The following SAMD8 variants were observed in gnomAD, a reference collection of about 807,000 sequenced individuals.
The protein encoded by SAMD8 is sterile alpha motif domain containing 8.
Under a neutral mutation model 42.0 loss-of-function variants are expected in SAMD8, and 20 were observed. The observed-to-expected ratio is 0.48, with a 90% CI of 0.34 to 0.69. The LOEUF (loss-of-function observed/expected upper bound fraction) is 0.69, where lower values mean the gene tolerates loss of function less well. Ranked by LOEUF, SAMD8 falls within the 30% of genes least tolerant of loss-of-function variation. The pLI, the probability that SAMD8 is intolerant of heterozygous loss-of-function variation, is 0.01. For missense variants in SAMD8, 328 were observed against 511.6 expected, an observed-to-expected ratio of 0.64 and a Z score of 3.46; for synonymous variants, 162 against 173.0, an observed-to-expected ratio of 0.94 and a Z score of 0.50.
At chr10:75,122,620 A>G (rs996705501) in intron 1 of SAMD8, among the ~76,000 whole-genome samples, 2 of 151,778 alleles carry the variant, frequency 1.3e-5, no homozygotes, top group Non-Finnish European at 2.9e-5. Context: ...CTCAAAAAAA[A>G]AAAAAAAAAA....
At chr10:75,111,123 G>A (rs1053019905), upstream of SAMD8, among the ~76,000 whole-genome samples, 3 of 152,206 alleles carry the variant, frequency 2.0e-5, no homozygotes, top group Non-Finnish European at 4.4e-5. Flanking sequence ...TTAGCACAAG[G>A]ATTAAATGAG....
At chr10:75,101,775 CTCCCCACACA>C in intron 1 of SAMD8, 1 of 866,246 alleles carries the variant, frequency 1.2e-6, no homozygotes, top group Non-Finnish European at 1.7e-6. Flanking sequence ...AACCCCACCC[CTCCCCACACA>C]GGCACAAGTG....
At chr10:75,116,272 T>A (rs28479596) in intron 1 of SAMD8, among the ~76,000 whole-genome samples, 13 of 152,196 alleles carry the variant, frequency 8.5e-5, no homozygotes, top group South Asian at 2.1e-4. Flanking sequence ...CTAATTTTTT[T>A]AAATTTTTCT....
chr10:75,168,367 T>C (rs1840743317), intron 3 of SAMD8, 174 bp from the exon 4 acceptor site: 3 of 918,344 alleles, frequency 3.3e-6, no homozygotes, highest in Non-Finnish European at 3.9e-6. Context: ...ATTTCCGTCA[T>C]TGCAGAGAAT....
intron 1 of SAMD8, among the ~76,000 whole-genome samples, chr10:75,116,944 G>C (rs1470349431): frequency 6.6e-6 from 1 of 151,942 alleles, no homozygotes; most frequent in Admixed American, 6.6e-5. Context: ...CCAGTAGCTG[G>C]GATTACAGGC....
chr10:75,108,396 G>T (rs1037509057), upstream of SAMD8: 2 of 1,109,412 alleles, frequency 1.8e-6, no homozygotes, highest in African/African-American at 1.6e-5. Flanking sequence ...TGGTGGCTGA[G>T]CCGGCGGTGT....
At chr10:75,163,011 C>T (rs978567760) in intron 2 of SAMD8, among the ~76,000 whole-genome samples, 9 of 151,730 alleles carry the variant, frequency 5.9e-5, no homozygotes, top group African/African-American at 2.2e-4. Flanking sequence ...CTGCAACCTC[C>T]GCCTCCCGGG....
At chr10:75,110,512 C>T (rs1447381264), upstream of SAMD8, among the ~76,000 whole-genome samples, 1 of 152,138 alleles carries the variant, frequency 6.6e-6, no homozygotes, top group East Asian at 1.9e-4. Context: ...CAGGGCATCC[C>T]ATGGAAGCAG....
chr10:75,171,259 C>T (rs1031232945), intron 4 of SAMD8, among the ~76,000 whole-genome samples: 4 of 149,174 alleles, frequency 2.7e-5, no homozygotes, highest in Admixed American at 6.7e-5. Context: ...CTCTGCCTCC[C>T]AGGTTCATGC....
intron 1 of SAMD8, among the ~76,000 whole-genome samples, chr10:75,135,801 G>C (rs1477570465): frequency 6.6e-6 from 1 of 151,818 alleles, no homozygotes; most frequent in Non-Finnish European, 1.5e-5. Context: ...ACTTCAGCCT[G>C]GGCGACAGGA....
intron 4 of SAMD8, among the ~76,000 whole-genome samples, chr10:75,170,299 ATGT>A (rs1302498875): frequency 1.3e-4 from 20 of 152,276 alleles, no homozygotes; most frequent in African/African-American, 4.8e-4. Flanking sequence ...AATTATTTTA[ATGT>A]TGTTTGTAAC....
intron 4 of SAMD8, among the ~76,000 whole-genome samples, chr10:75,169,560 C>T (rs1364104704): frequency 2.0e-5 from 3 of 152,018 alleles, no homozygotes; most frequent in Admixed American, 2.0e-4. Context: ...CCATCCTTAG[C>T]ATTTTAAAAG....
At chr10:75,145,101 T>C (rs1165964141) in intron 1 of SAMD8, among the ~76,000 whole-genome samples, 7 of 152,320 alleles carry the variant, frequency 4.6e-5, no homozygotes, top group African/African-American at 1.7e-4. Context: ...TACTTATCTA[T>C]TTCCTTTTTT....
At chr10:75,164,403 C>G in intron 2 of SAMD8, 3 of 433,962 alleles carry the variant, frequency 6.9e-6, no homozygotes, top group Non-Finnish European at 9.1e-6. Context: ...TTTTTTTTTC[C>G]TCTGGTATTT....
Position 75,168,662 on chromosome 10 carries a change from G to A in SAMD8, c.792+4G>A. 1 of 1,559,828 alleles carries A rather than the reference G, an allele frequency of 6.4e-7. No individual in the cohort carries two copies. The highest frequency in any genetic ancestry group is 8.8e-7 in the Non-Finnish European group (1 of 1,130,616). On this transcript the variant is annotated splice_donor_region_variant and intron_variant, in intron 4 of 5. Coordinates refer to ENST00000542569, the MANE Select transcript of SAMD8 (RefSeq NM_001174156.2). ...ACACCTGCAGTGTACTGGAAAGGTAGCCTGCTACCTTCTTTATCATTCTTG... is the reference window on the plus strand; with the variant it reads ...ACACCTGCAGTGTACTGGAAAGGTAACCTGCTACCTTCTTTATCATTCTTG...
intron 1 of SAMD8, among the ~76,000 whole-genome samples, chr10:75,146,667 C>G (rs1668686144): frequency 6.6e-6 from 1 of 152,076 alleles, no homozygotes; most frequent in African/African-American, 2.4e-5. Context: ...GTTAGTAAAT[C>G]TTGGTCAGAA....
At chr10:75,107,492 A>G (rs1848586122), upstream of SAMD8, among the ~76,000 whole-genome samples, 2 of 152,330 alleles carry the variant, frequency 1.3e-5, no homozygotes, top group African/African-American at 4.8e-5. Context: ...CTCCTAACTC[A>G]TGGCATGACC....
intron 1 of SAMD8, among the ~76,000 whole-genome samples, chr10:75,129,138 A>C (rs201484885): frequency 8.4e-4 from 123 of 146,110 alleles, no homozygotes; most frequent in South Asian, 1.1e-3. Flanking sequence ...TCTTCTTCTT[A>C]TTTTTTTTTT....
At chr10:75,142,657 G>A (rs1490176552) in intron 1 of SAMD8, among the ~76,000 whole-genome samples, 1 of 151,622 alleles carries the variant, frequency 6.6e-6, no homozygotes, top group South Asian at 2.1e-4. Context: ...GGATGGTCTC[G>A]ATCTCTTGAC....
Sources: allele counts gnomAD v4.1 joint callset (sites outside exome capture counted in the v4.1 genomes callset), GRCh38; gene constraint gnomAD v4.1.1; transcripts MANE v1.5; gene names NCBI Gene and HGNC (gene_info 2026-07-23, HGNC 2026-07-21).